Variants in ARMC5 observed in about 807,000 individuals in gnomAD.
ARMC5 encodes the protein armadillo repeat containing 5.
ARMC5 carries 28 observed loss-of-function variants against 60.5 expected under a neutral mutation model. That is an observed-to-expected ratio of 0.46 (90% CI 0.34 to 0.63). The LOEUF is 0.63. ARMC5 is among the 30% of genes least tolerant of loss of function. ARMC5 has a pLI of 0.01. For missense variants in ARMC5, 1,189 were observed against 1,304.9 expected, an observed-to-expected ratio of 0.91 and a Z score of 1.37; for synonymous variants, 680 against 607.3, an observed-to-expected ratio of 1.12 and a Z score of -1.76.
At chr16:31,459,183 G>T, upstream of ARMC5, 2 of 1,520,146 alleles carry the variant, frequency 1.3e-6, no homozygotes, top group Non-Finnish European at 1.8e-6. Flanking sequence ...CGGCACGAAG[G>T]CTCCGTGGTC....
At position 31,462,180 on chromosome 16, in the gene ARMC5, G is replaced by A. The variant is rs764761605; in HGVS notation, c.633G>A (p.Gln211=). ...VESLTACQDS[Q]CLQSVVRALR... is the part of the protein sequence containing the mutation. ...GCCTGACAGCCTGCCAGGACTCGCA[G>A]TGCCTACAGAGCGTGGTGCGTGCCC... Residue 211 remains glutamine, a synonymous_variant, in exon 3 of 6, where the codon CAG becomes CAA. Transcript: ENST00000268314. The surrounding 1 kb of genome is among the most constrained non-coding windows in gnomAD (Gnocchi z 7.2). 6.2e-7 allele frequency: 1 copy of A among 1,612,744 alleles called. No homozygotes were observed. Among genetic ancestry groups the A allele is most frequent in the Non-Finnish European group, 8.5e-7 (1 of 1,179,984 alleles).
Position 31,459,588 on chromosome 16 carries a change from G to A in ARMC5, c.64G>A (p.Ala22Thr), listed in dbSNP as rs767577021. The change falls in exon 1 of 6, where the codon GCG (alanine) becomes ACG (threonine). Residue 22 changes from alanine to threonine, a missense_variant. Coordinates refer to ENST00000268314, the MANE Select transcript of ARMC5 (RefSeq NM_001105247.2). ...LSFCLAQLAA[A>T]AGEALGGEKD... ...GTTCTGCCTCGCGCAGCTCGCGGCG[G>A]CGGCCGGGGAGGCTCTGGGTGGGGA... is the stretch of plus-strand genomic sequence containing the variant. 15 of 1,602,966 alleles carry A rather than the reference G, an allele frequency of 9.4e-6. No individual in the cohort carries two copies. Among genetic ancestry groups the A allele is most frequent in the Non-Finnish European group, 1.3e-5 (15 of 1,179,398 alleles).
upstream of ARMC5, chr16:31,459,497 C>T (rs1194939775): frequency 1.3e-6 from 2 of 1,585,980 alleles, no homozygotes; most frequent in East Asian, 2.3e-5. Context: ...CGGCGAGAAG[C>T]GGGGCGGAGT....
chr16:31,459,887 G>A lies in ARMC5; in HGVS notation c.363G>A (p.Pro121=). Residue 121 remains proline (P), a synonymous_variant, in exon 1 of 6, where the codon CCG becomes CCA. Transcript: ENST00000268314. ...PSAVSSSSPT[P]PVRLRKTLDL... is the part of the protein sequence containing the mutation. ...CTGTGTCGTCGTCTAGTCCTACGCC[G>A]CCAGTGCGCCTGCGCAAGACGCTGG... 4 of 1,605,494 alleles carry A rather than the reference G, an allele frequency of 2.5e-6. No homozygotes were observed. In the East Asian group the frequency reaches 8.9e-5, roughly 36 times the overall value.
chr16:31,462,173 A>G lies in ARMC5; in HGVS notation c.626A>G (p.Asp209Gly). The change falls in exon 3 of 6, where the codon GAC becomes GGC. Residue 209 changes from aspartate to glycine, a missense_variant. By Grantham distance (94) the Asp-to-Gly change is moderately conservative. This residue lies in a region of ARMC5 where 862 missense variants were observed against 1,071.2 expected (regional missense o/e 0.80). Coordinates refer to ENST00000268314, the MANE Select transcript of ARMC5 (RefSeq NM_001105247.2). This position sits in a 1 kb window ranked among gnomAD's most constrained non-coding sequence, Gnocchi z 7.2. ...GTGGAGAGCCTGACAGCCTGCCAGGACTCGCAGTGCCTACAGAGCGTGGTG... is the reference window on the plus strand; with the variant it reads ...GTGGAGAGCCTGACAGCCTGCCAGGGCTCGCAGTGCCTACAGAGCGTGGTG... ...LLVESLTACQ[D>G]SQCLQSVVRA... 1.9e-6 allele frequency: 3 copies of G among 1,612,674 alleles called. No individual in the cohort carries two copies. The highest frequency in any genetic ancestry group is 2.5e-6 in the Non-Finnish European group (3 of 1,179,890).
At position 31,462,317 on chromosome 16, in the gene ARMC5, C is replaced by T; in HGVS notation, c.770C>T (p.Ala257Val). ...ATAPDAALTL[A>V]LVRALLELSR... ...GCCCCAGATGCTGCACTGACCTTAG[C>T]CCTCGTCCGTGCCCTCCTGGAACTC... The change falls in exon 3 of 6, where the codon GCC (alanine) becomes GTC (valine). Residue 257 changes from alanine to valine, a missense_variant. This residue lies in a region of ARMC5 where 862 missense variants were observed against 1,071.2 expected (regional missense o/e 0.80). Transcript: ENST00000268314. This position sits in a 1 kb window ranked among gnomAD's most constrained non-coding sequence, Gnocchi z 7.2. 1 of 1,610,684 alleles carries T rather than the reference C, an allele frequency of 6.2e-7. No individual in the cohort carries two copies. Among genetic ancestry groups the T allele is most frequent in the Non-Finnish European group, 8.5e-7 (1 of 1,179,828 alleles).
chr16:31,463,734 T>G (rs1277753026), intron 3 of ARMC5, among the ~76,000 whole-genome samples: 2 of 151,982 alleles, frequency 1.3e-5, no homozygotes, highest in Admixed American at 1.3e-4. Flanking sequence ...TCCTTTTTAT[T>G]TTCTCCATGA....
chr16:31,459,924 A>G lies in ARMC5; in HGVS notation c.400A>G (p.Ser134Gly). Reference protein sequence around the residue: ...RLRKTLDLALSILADCCTEGA... With the variant: ...RLRKTLDLALGILADCCTEGA... ...GCGCAAGACGCTGGACTTGGCGCTCAGCATCCTAGCCGATTGCTGTACGGA... is the reference window on the plus strand; with the variant it reads ...GCGCAAGACGCTGGACTTGGCGCTCGGCATCCTAGCCGATTGCTGTACGGA... The change falls in exon 1 of 6, where the codon AGC (serine) becomes GGC (glycine). Residue 134 changes from serine to glycine, a missense_variant. Coordinates refer to ENST00000268314, the MANE Select transcript of ARMC5 (RefSeq NM_001105247.2). 2.5e-6 allele frequency: 4 copies of G among 1,605,772 alleles called. No homozygotes were observed. The highest frequency in any genetic ancestry group is 3.4e-6 in the Non-Finnish European group (4 of 1,179,728).
upstream of ARMC5, chr16:31,458,546 C>T (rs776137280): frequency 5.4e-5 from 83 of 1,524,426 alleles, 1 homozygote; most frequent in South Asian, 8.9e-4. Context: ...TGAATGAAGC[C>T]GGGGAGGCAG....
At chr16:31,458,829 G>A, upstream of ARMC5, 1 of 1,533,068 alleles carries the variant, frequency 6.5e-7, no homozygotes, top group Non-Finnish European at 8.7e-7. Context: ...ACTGCGCTGC[G>A]AGTGAAGAAC....
At chr16:31,463,359 A>G (rs943388278) in intron 3 of ARMC5, among the ~76,000 whole-genome samples, 1 of 152,110 alleles carries the variant, frequency 6.6e-6, no homozygotes, top group African/African-American at 2.4e-5. Context: ...TCAGCCTCCT[A>G]AAGTCCTGGG....
Position 31,459,799 on chromosome 16 carries a change from C to A in ARMC5, c.275C>A (p.Ala92Asp), listed in dbSNP as rs1209168038. 2 of 1,539,260 alleles carry A rather than the reference C, an allele frequency of 1.3e-6. No individual in the cohort carries two copies. The highest frequency in any genetic ancestry group is 3.9e-5 in the Admixed American group (2 of 51,076). Reference protein sequence around the residue: ...SAPSQAGPGSAPSSAASGASS... With the variant: ...SAPSQAGPGSDPSSAASGASS... ...CCGTCCCAGGCAGGCCCCGGCTCCG[C>A]CCCCTCGTCGGCCGCGTCGGGAGCT... Residue 92 changes from alanine (A) to aspartate (D), a missense_variant, in exon 1 of 6, where the codon GCC (alanine) becomes GAC (aspartate). Transcript: ENST00000268314.
chr16:31,465,980 C>T lies in ARMC5; in HGVS notation c.1995C>T (p.Cys665=), dbSNP rs745756661. Residue 665 remains cysteine (C), a splice_region_variant and synonymous_variant, in exon 5 of 6, where the codon TGC becomes TGT. Coordinates refer to ENST00000268314, the MANE Select transcript of ARMC5 (RefSeq NM_001105247.2). The stretch of plus-strand genomic sequence containing the variant: ...GCGCGCTGACCCTGCCCTTCATCTG[C>T]CGGTGAGTGGGAAGTGGGTGCCTTG... ...VACALTLPFI[C]RKPSLWRRLL... is the part of the protein sequence containing the mutation. 4 of 1,602,058 alleles carry T rather than the reference C, an allele frequency of 2.5e-6. No homozygotes were observed. The African/African-American group carries it at 4.0e-5, about 16-fold the overall frequency.
upstream of ARMC5, chr16:31,458,797 C>T (rs761879865): frequency 5.2e-5 from 80 of 1,525,868 alleles, 1 homozygote; most frequent in Non-Finnish European, 6.7e-5. Flanking sequence ...CGGATTCTCC[C>T]TCGCCTCTTC....
At chr16:31,463,104 C>CT (rs35061558) in intron 3 of ARMC5, among the ~76,000 whole-genome samples, 187 bp downstream of exon 3, 20 of 147,932 alleles carry the variant, frequency 1.4e-4, no homozygotes, top group Admixed American at 2.7e-4. Flanking sequence ...CTGAGTCTAC[C>CT]TTTTTTTTTT....
intron 4 of ARMC5, 79 bp from the exon 5 acceptor site, chr16:31,465,771 C>T (rs1375811990): frequency 1.6e-5 from 25 of 1,585,148 alleles, no homozygotes; most frequent in Non-Finnish European, 2.1e-5. Flanking sequence ...TCCTTCATCT[C>T]ACGGGCCCAG....
At chr16:31,460,855 A>G (rs1163118532) in intron 1 of ARMC5, among the ~76,000 whole-genome samples, 7 of 152,248 alleles carry the variant, frequency 4.6e-5, no homozygotes, top group African/African-American at 1.2e-4. Flanking sequence ...TCTGTTTACC[A>G]GCTAAATTGG....
upstream of ARMC5, chr16:31,458,314 G>C (rs896257666): frequency 7.1e-6 from 9 of 1,268,826 alleles, no homozygotes; most frequent in Non-Finnish European, 8.8e-6. Flanking sequence ...GGCTTTTAGC[G>C]GTGTGAGCGC....
chr16:31,461,290 C>T (rs2082301373), intron 1 of ARMC5, among the ~76,000 whole-genome samples: 1 of 152,118 alleles, frequency 6.6e-6, no homozygotes, highest in South Asian at 2.1e-4. Flanking sequence ...TCGTGTCACT[C>T]CCCTTCATAA....
Sources: gnomAD v4.1 joint callset for allele counts (sites outside exome capture counted in the v4.1 genomes callset) on GRCh38, gnomAD v4.1.1 for gene constraint, gnomAD v4.1.1 regional missense constraint, Gnocchi (gnomAD v3.1) non-coding constraint, MANE v1.5 for transcripts, NCBI Gene and HGNC (gene_info 2026-07-23, HGNC 2026-07-21) for gene names.